The following IMMP2L variants were observed in gnomAD, a reference collection of about 807,000 sequenced individuals.
IMMP2L encodes mitochondrial inner membrane protease subunit 2.
In IMMP2L, 18 loss-of-function variants were observed where a neutral mutation model predicts 19.3. That is an observed-to-expected ratio of 0.93 (90% CI 0.64 to 1.38). The LOEUF (loss-of-function observed/expected upper bound fraction) is 1.38. Ranked by LOEUF, IMMP2L falls within the 40% of genes most tolerant of loss-of-function variation. The pLI is 0.00. For missense variants in IMMP2L, 233 were observed against 218.2 expected, an observed-to-expected ratio of 1.07 and a Z score of -0.43; for synonymous variants, 76 against 73.0, an observed-to-expected ratio of 1.04 and a Z score of -0.21.
chr7:111,070,323 C>T (rs550663607), intron 3 of IMMP2L, among the ~76,000 whole-genome samples: 4 of 152,250 alleles, frequency 2.6e-5, no homozygotes, highest in Admixed American at 6.5e-5. Flanking sequence ...CATTCCACAA[C>T]GTTTAAAGTA....
intron 3 of IMMP2L, among the ~76,000 whole-genome samples, chr7:110,964,579 A>G (rs1401539164): frequency 6.6e-6 from 1 of 152,024 alleles, no homozygotes; most frequent in Non-Finnish European, 1.5e-5. Context: ...TTTAACTTAG[A>G]GTAATACTCT....
chr7:110,754,218 T>G (rs1797906785), intron 5 of IMMP2L, among the ~76,000 whole-genome samples: 1 of 152,064 alleles, frequency 6.6e-6, no homozygotes, highest in Non-Finnish European at 1.5e-5. Flanking sequence ...ATGAATGGTT[T>G]ACCAGCTTTT....
In IMMP2L at chr7:111,213,934, A is replaced by C. The variant is rs1811609513; in HGVS notation, c.240-250369T>G. Among the ~76,000 whole-genome samples, 1 of 152,212 alleles carries C rather than the reference A, an allele frequency of 6.6e-6. No homozygotes were observed. Among genetic ancestry groups the C allele is most frequent in the Non-Finnish European group, 1.5e-5 (1 of 68,036 alleles). Reference sequence around the variant, plus strand: ...ATCTAAGATAAAAGGTGATTTAAAAAAATAAGACCCAAGTCACATGAATAG... The same window carrying C: ...ATCTAAGATAAAAGGTGATTTAAAACAATAAGACCCAAGTCACATGAATAG... On this transcript the variant is annotated intron_variant, in intron 3 of 5. Transcript: ENST00000405709. This position sits in a 1 kb window ranked among gnomAD's most constrained non-coding sequence, Gnocchi z 4.8.
chr7:111,114,756 A>C (rs1799669162), intron 3 of IMMP2L, among the ~76,000 whole-genome samples: 1 of 151,758 alleles, frequency 6.6e-6, no homozygotes, highest in Non-Finnish European at 1.5e-5. Context: ...AAAAAAAAGA[A>C]AGAAAGAAAA....
chr7:110,826,019 T>A (rs1400273216), intron 5 of IMMP2L, among the ~76,000 whole-genome samples: 1 of 152,130 alleles, frequency 6.6e-6, no homozygotes, highest in African/African-American at 2.4e-5. Context: ...CATCAAAAAG[T>A]GGGCGAAGGA....
chr7:110,810,327 T>C (rs776088131), intron 5 of IMMP2L, among the ~76,000 whole-genome samples: 3 of 152,060 alleles, frequency 2.0e-5, no homozygotes, highest in Non-Finnish European at 4.4e-5. Flanking sequence ...AATTCTTCAG[T>C]GAGAAAAATT....
rs1181631850 is a variant in IMMP2L at position 110,728,172 on chromosome 7, A to G, written c.409-64451T>C. 6.6e-6 allele frequency among the ~76,000 whole-genome samples: 1 copy of G among 152,126 alleles called. No homozygotes were observed. Among genetic ancestry groups the G allele is most frequent in the Non-Finnish European group, 1.5e-5 (1 of 68,032 alleles). Reference sequence around the variant, plus strand: ...TAAGCATTCATACATAATATCTGCCATGCTTGTTGTTGTTGTTATCAATAT... The same window carrying G: ...TAAGCATTCATACATAATATCTGCCGTGCTTGTTGTTGTTGTTATCAATAT... On this transcript the variant is annotated intron_variant, in intron 5 of 5. Transcript: ENST00000405709. The surrounding 1 kb of genome is among the most constrained non-coding windows in gnomAD (Gnocchi z 4.6).
At chr7:111,047,694 A>G (rs1389882259) in intron 3 of IMMP2L, among the ~76,000 whole-genome samples, 10 of 152,100 alleles carry the variant, frequency 6.6e-5, no homozygotes, top group Admixed American at 1.3e-4. Flanking sequence ...TAATATTGAG[A>G]CAGACAGACT....
chr7:110,903,896 T>A (rs1812180085), intron 4 of IMMP2L, among the ~76,000 whole-genome samples: 2 of 152,140 alleles, frequency 1.3e-5, no homozygotes, highest in African/African-American at 4.8e-5. Context: ...TCATTGCCTT[T>A]GTTTTTATAA....
intron 2 of IMMP2L, among the ~76,000 whole-genome samples, chr7:111,519,946 T>C (rs111454847): frequency 2.6e-5 from 4 of 152,178 alleles, no homozygotes; most frequent in Non-Finnish European, 4.4e-5. Context: ...AAAGGGATCC[T>C]TGGGACCAAA....
At chr7:111,067,214 A>T (rs1019917595) in intron 3 of IMMP2L, among the ~76,000 whole-genome samples, 4 of 152,232 alleles carry the variant, frequency 2.6e-5, no homozygotes, top group Non-Finnish European at 2.9e-5. Flanking sequence ...AAATTATCAA[A>T]TTGGAATATA....
chr7:111,194,458 G>C lies in IMMP2L; in HGVS notation c.240-230893C>G, dbSNP rs1809253568. Among the ~76,000 whole-genome samples the C allele has an allele frequency of 2.6e-5, 4 of 152,136 alleles. 1 individual carries two copies. The highest frequency in any genetic ancestry group is 7.2e-5 in the African/African-American group (3 of 41,478). On this transcript the variant is annotated intron_variant, in intron 3 of 5. Coordinates refer to ENST00000405709, the MANE Select transcript of IMMP2L (RefSeq NM_032549.4). Reference sequence around the variant, plus strand: ...ACCCCTCCTTTGTACCATTACACCTGTTTATAACATTTGTAATTTTGTACC... The same window carrying C: ...ACCCCTCCTTTGTACCATTACACCTCTTTATAACATTTGTAATTTTGTACC...
At chr7:111,232,531 T>C (rs961274599) in intron 3 of IMMP2L, among the ~76,000 whole-genome samples, 6 of 152,094 alleles carry the variant, frequency 3.9e-5, no homozygotes, top group African/African-American at 1.4e-4. Flanking sequence ...TTTTCAATTT[T>C]CTGAACCAAT....
At chr7:110,908,024 T>G (rs1812655086) in intron 4 of IMMP2L, among the ~76,000 whole-genome samples, 1 of 152,202 alleles carries the variant, frequency 6.6e-6, no homozygotes, top group Non-Finnish European at 1.5e-5. Context: ...AAGACATTCA[T>G]CATGGATACA....
intron 3 of IMMP2L, among the ~76,000 whole-genome samples, chr7:111,357,446 A>G (rs1396468601): frequency 2.0e-5 from 3 of 152,172 alleles, no homozygotes; most frequent in African/African-American, 7.2e-5. Flanking sequence ...AGTCAGCCAT[A>G]TCAGATTAAG....
intron 3 of IMMP2L, among the ~76,000 whole-genome samples, chr7:111,327,820 A>G (rs1005795669): frequency 6.6e-6 from 1 of 151,584 alleles, no homozygotes; most frequent in Non-Finnish European, 1.5e-5. Context: ...CTGAAAACAT[A>G]GTGTACATAA....
At chr7:110,945,252 G>A (rs1267805371) in intron 4 of IMMP2L, among the ~76,000 whole-genome samples, 1 of 151,938 alleles carries the variant, frequency 6.6e-6, no homozygotes, top group African/African-American at 2.4e-5. Context: ...TTTTTAAAAA[G>A]CAGGAATGCA....
intron 1 of IMMP2L, among the ~76,000 whole-genome samples, chr7:111,554,203 G>C (rs1790995150): frequency 6.6e-6 from 1 of 152,086 alleles, no homozygotes; most frequent in African/African-American, 2.4e-5. Flanking sequence ...AATTGCACTG[G>C]TTTGTGTTAG....
intron 3 of IMMP2L, among the ~76,000 whole-genome samples, chr7:111,109,857 T>C (rs1316210423): frequency 1.3e-5 from 2 of 152,174 alleles, no homozygotes; most frequent in African/African-American, 2.4e-5. Context: ...CTTCAGGGGC[T>C]GGGCGCGGTG....
Sources: allele counts gnomAD v4.1 joint callset (sites outside exome capture counted in the v4.1 genomes callset), GRCh38; gene constraint gnomAD v4.1.1; non-coding constraint Gnocchi (gnomAD v3.1); transcripts MANE v1.5; gene names NCBI Gene and HGNC (gene_info 2026-07-23, HGNC 2026-07-21).